Variants in TAF1A observed in about 807,000 individuals in gnomAD.
TAF1A encodes the protein TATA-box binding protein associated factor, RNA polymerase I subunit A, also known as TATA box-binding protein-associated factor RNA polymerase I subunit A.
Under a neutral mutation model 61.6 loss-of-function variants are expected in TAF1A, and 42 were observed. The ratio of observed to expected loss-of-function variants is 0.68; its 90% confidence interval spans 0.53 to 0.88. The LOEUF is 0.88. Ranked by LOEUF, TAF1A falls within the 40% of genes least tolerant of loss-of-function variation. TAF1A has a pLI of 0.00. For missense variants in TAF1A, 424 were observed against 518.7 expected, an observed-to-expected ratio of 0.82 and a Z score of 1.77; for synonymous variants, 179 against 177.7, an observed-to-expected ratio of 1.01 and a Z score of -0.06.
chr1:222,579,996 TC>T (rs1296955973), intron 3 of TAF1A, 124 bp from the exon 4 acceptor site: 1 of 1,129,642 alleles, frequency 8.9e-7, no homozygotes, highest in Admixed American at 3.2e-5. Context: ...ACCACTACCG[TC>T]AACATTTTAC....
intron 5 of TAF1A, among the ~76,000 whole-genome samples, chr1:222,572,059 G>A (rs1032739164): frequency 3.3e-5 from 5 of 151,772 alleles, no homozygotes; most frequent in Admixed American, 1.3e-4. Flanking sequence ...TCTACTAAAA[G>A]TACGAAAAAA....
At chr1:222,565,731 G>A (rs1473978664) in intron 7 of TAF1A, among the ~76,000 whole-genome samples, 4 of 152,138 alleles carry the variant, frequency 2.6e-5, no homozygotes, top group African/African-American at 7.2e-5. Flanking sequence ...CCATGGTGGC[G>A]TGTGCCTGTA....
chr1:222,566,338 G>A (rs1050544089), intron 7 of TAF1A, among the ~76,000 whole-genome samples: 1 of 152,172 alleles, frequency 6.6e-6, no homozygotes, highest in African/African-American at 2.4e-5. Flanking sequence ...TCCTGGTTTC[G>A]TGGAAGACAA....
At chr1:222,588,333 C>T in intron 2 of TAF1A, 110 bp downstream of exon 2, 2 of 1,360,310 alleles carry the variant, frequency 1.5e-6, no homozygotes, top group African/African-American at 1.5e-5. Context: ...AAAAAACCCT[C>T]CACATATTCC....
intron 4 of TAF1A, among the ~76,000 whole-genome samples, chr1:222,577,968 T>G (rs918196321): frequency 6.6e-6 from 1 of 152,228 alleles, no homozygotes. Context: ...ATTCACTCTT[T>G]GTGAGTCTCA....
chr1:222,561,721 T>C (rs543522480), intron 9 of TAF1A, among the ~76,000 whole-genome samples: 9 of 152,314 alleles, frequency 5.9e-5, no homozygotes, highest in Non-Finnish European at 1.3e-4. Context: ...CCATATCCCA[T>C]TTTCCATTTC....
At chr1:222,555,094 A>G (rs2102629798), downstream of TAF1A, among the ~76,000 whole-genome samples, 1 of 152,334 alleles carries the variant, frequency 6.6e-6, no homozygotes, top group Non-Finnish European at 1.5e-5. Flanking sequence ...ACCAGGAGAT[A>G]CAGCCTCACA....
rs188153719 is a variant in TAF1A at position 222,589,010 on chromosome 1, T to C, written c.-2-445A>G. ...ACTATTACTTTCTTCCATGTGAAGG[T>C]TGAAAAAACTGAGGGGCTTAGTGAA... is the stretch of plus-strand genomic sequence containing the variant. On this transcript the variant is annotated intron_variant, in intron 1 of 10. Transcript: ENST00000352967. 4.6e-5 allele frequency among the ~76,000 whole-genome samples: 7 copies of C among 152,158 alleles called. No individual in the cohort carries two copies. In the East Asian group the frequency reaches 5.8e-4, roughly 13 times the overall value.
intron 5 of TAF1A, among the ~76,000 whole-genome samples, chr1:222,572,967 C>T (rs751267734): frequency 1.3e-5 from 2 of 152,090 alleles, no homozygotes; most frequent in Non-Finnish European, 2.9e-5. Flanking sequence ...CAAAGGACAC[C>T]ATCAAGATAG....
chr1:222,571,529 A>AG (rs1228898809), intron 5 of TAF1A, among the ~76,000 whole-genome samples: 1 of 152,094 alleles, frequency 6.6e-6, no homozygotes, highest in Non-Finnish European at 1.5e-5. Flanking sequence ...GAGTTCACAA[A>AG]GGTTGCAGAG....
chr1:222,570,076 G>C (rs1166903459), intron 6 of TAF1A, among the ~76,000 whole-genome samples: 1 of 152,180 alleles, frequency 6.6e-6, no homozygotes, highest in Non-Finnish European at 1.5e-5. Context: ...CTTTCACAAA[G>C]CAAATTATTT....
chr1:222,554,896 T>C (rs141249233), downstream of TAF1A, among the ~76,000 whole-genome samples: 4 of 152,210 alleles, frequency 2.6e-5, no homozygotes, highest in African/African-American at 9.6e-5. Flanking sequence ...ACATTCCATA[T>C]AATTAATCAG....
intron 7 of TAF1A, chr1:222,569,306 T>C (rs1027923807): frequency 2.7e-6 from 4 of 1,499,324 alleles, no homozygotes; most frequent in African/African-American, 2.8e-5. Context: ...TCCTCTCTCC[T>C]CAGTCTCATC....
intron 6 of TAF1A, 46 bp from the exon 7 acceptor site, chr1:222,569,714 G>C: frequency 1.3e-6 from 2 of 1,534,482 alleles, no homozygotes; most frequent in Non-Finnish European, 1.8e-6. Context: ...CTGTAAGACA[G>C]CTATACGAAA....
At chr1:222,564,227 C>A in intron 7 of TAF1A, 102 bp from the exon 8 acceptor site, 2 of 420,006 alleles carry the variant, frequency 4.8e-6, no homozygotes, top group Non-Finnish European at 4.2e-6. Context: ...AATATGCTCC[C>A]TTTAAATTTA....
At chr1:222,559,893 C>G (rs1244464272) in intron 10 of TAF1A, among the ~76,000 whole-genome samples, 3 of 152,140 alleles carry the variant, frequency 2.0e-5, no homozygotes, top group African/African-American at 7.2e-5. Flanking sequence ...ACATATCATA[C>G]TACCTTAGTA....
At chr1:222,556,209 GGTGCCCT>G (rs1275692864), downstream of TAF1A, among the ~76,000 whole-genome samples, 2 of 152,186 alleles carry the variant, frequency 1.3e-5, no homozygotes, top group Non-Finnish European at 2.9e-5. Context: ...GCGATGTGGG[GGTGCCCT>G]GTGCCCTGTT....
In TAF1A at chr1:222,577,513, ATAAGGTTGAT is replaced by A. The variant is rs766132509; in HGVS notation, c.526_535del (p.Ile176PhefsTer33). On this transcript the variant is annotated frameshift_variant, in exon 5 of 11. Transcript: ENST00000352967. LOFTEE classifies it high-confidence loss of function. ...CTGTAAAAGCCCTTTATAGGCCTGA[ATAAGGTTGAT>A]TAATATTTCCCGGGAAGACGTATTT... 1.2e-6 allele frequency: 2 copies of A among 1,613,912 alleles called. No individual in the cohort carries two copies. Among genetic ancestry groups the A allele is most frequent in the African/African-American group, 2.7e-5 (2 of 74,930 alleles).
chr1:222,558,771 A>G lies in TAF1A; in HGVS notation c.1242T>C (p.Gly414=). The change falls in exon 11 of 11, where the codon GGT becomes GGC. Residue 414 remains glycine, a splice_region_variant and synonymous_variant. Coordinates refer to ENST00000352967, the MANE Select transcript of TAF1A (RefSeq NM_005681.4). ...TTAAAATATACCGGAAATATCTACAACCTAAAAAGTTAAGCAAAATAAAAA... is the reference window on the plus strand; with the variant it reads ...TTAAAATATACCGGAAATATCTACAGCCTAAAAAGTTAAGCAAAATAAAAA... The part of the protein sequence containing the change: ...AFVAGLLLGK[G]CRYFRYILKQ... 1 of 1,478,668 alleles carries G rather than the reference A, an allele frequency of 6.8e-7. No homozygotes were observed. Among genetic ancestry groups the G allele is most frequent in the Non-Finnish European group, 9.1e-7 (1 of 1,096,632 alleles). 91.6% of individuals were successfully genotyped at this position (1,478,668 alleles called of 1,614,324 possible).
Sources: allele counts gnomAD v4.1 joint callset (sites outside exome capture counted in the v4.1 genomes callset), GRCh38; gene constraint gnomAD v4.1.1; transcripts MANE v1.5; gene names NCBI Gene and HGNC (gene_info 2026-07-23, HGNC 2026-07-21).